The following TBCD variants were observed in gnomAD, a reference collection of about 807,000 sequenced individuals.
TBCD encodes tubulin-specific chaperone D.
A neutral mutation model predicts 169.3 loss-of-function variants in TBCD; 105 were observed. That is an observed-to-expected ratio of 0.62 (90% confidence interval 0.53 to 0.73). The LOEUF (loss-of-function observed/expected upper bound fraction) is 0.73. Among genes scored for constraint, TBCD ranks in the 30% least tolerant of loss-of-function variants. TBCD has a pLI of 0.00. For synonymous variants in TBCD, 700 were observed against 643.9 expected, an observed-to-expected ratio of 1.09 and a Z score of -1.32; for missense variants, 1,444 against 1,600.1, an observed-to-expected ratio of 0.90 and a Z score of 1.66.
intron 36 of TBCD, among the ~76,000 whole-genome samples, chr17:82,938,835 A>G (rs919617519): frequency 8.5e-5 from 6 of 70,432 alleles, no homozygotes; most frequent in African/African-American, 2.0e-4. Context: ...CCCTGGTGAA[A>G]AGAGAGCAGG....
chr17:82,873,690 C>T (rs561449076), intron 14 of TBCD, among the ~76,000 whole-genome samples: 1 of 152,128 alleles, frequency 6.6e-6, no homozygotes, highest in Non-Finnish European at 1.5e-5. Flanking sequence ...AAAAACCTGC[C>T]GATGCGCGGG....
At chr17:82,907,697 C>T (rs954369746) in intron 20 of TBCD, 64 bp from the exon 21 acceptor site, 28 of 1,582,968 alleles carry the variant, frequency 1.8e-5, no homozygotes, top group African/African-American at 2.7e-5. Context: ...TCAGCTCCTC[C>T]GAGTGTACTC....
At chr17:82,928,304 A>C (rs906223024) in intron 30 of TBCD, among the ~76,000 whole-genome samples, 1 of 152,122 alleles carries the variant, frequency 6.6e-6, no homozygotes, top group Non-Finnish European at 1.5e-5. Context: ...GCCGGGCAGG[A>C]GGTGGGGACT....
chr17:82,817,314 G>C (rs918436181), intron 13 of TBCD, among the ~76,000 whole-genome samples: 23 of 146,726 alleles, frequency 1.6e-4, no homozygotes, highest in African/African-American at 6.0e-4. Flanking sequence ...TTCTTTTTTT[G>C]AGACAGGATC....
At chr17:82,763,504 G>A (rs376329332) in intron 2 of TBCD, among the ~76,000 whole-genome samples, 20 of 152,268 alleles carry the variant, frequency 1.3e-4, no homozygotes, top group Middle Eastern at 3.4e-3. Context: ...ACTTTGGGAG[G>A]CCGAGGTGGG....
At position 82,854,651 on chromosome 17, in the gene TBCD, C is replaced by T. The variant is rs181938598; in HGVS notation, c.1319-15573C>T. 2.6e-5 allele frequency among the ~76,000 whole-genome samples: 4 copies of T among 152,276 alleles called. No homozygotes were observed. The East Asian group carries it at 7.7e-4, about 29-fold the overall frequency. On this transcript the variant is annotated intron_variant, in intron 13 of 38. Transcript: ENST00000355528. ...GGCAAGCATTCACGTTTGCATGTCGCACAGAAAGTCAGACTGCTGGGGGGA... is the reference window on the plus strand; with the variant it reads ...GGCAAGCATTCACGTTTGCATGTCGTACAGAAAGTCAGACTGCTGGGGGGA...
chr17:82,864,375 C>G lies in TBCD; in HGVS notation c.1319-5849C>G, dbSNP rs1198524370. 1 of 152,234 alleles carries G rather than the reference C, an allele frequency of 6.6e-6. No individual in the cohort carries two copies. Among genetic ancestry groups the G allele is most frequent in the Non-Finnish European group, 1.5e-5 (1 of 68,064 alleles). The allele number at this position is 152,234 out of a possible 1,614,324, so 9.4% of individuals were successfully genotyped here. A position where few individuals can be genotyped will look rare whatever the true frequency, so the allele number is the denominator to read the frequency against. On this transcript the variant is annotated intron_variant, in intron 13 of 38. Transcript: ENST00000355528. This position sits in a 1 kb window ranked among gnomAD's most constrained non-coding sequence, Gnocchi z 6.3. ...ATCGAGTGCCGGCTCTCTGTGCTCTCCAGGAGGTGGCCTTTCACAGCAGGG... is the reference window on the plus strand; with the variant it reads ...ATCGAGTGCCGGCTCTCTGTGCTCTGCAGGAGGTGGCCTTTCACAGCAGGG...
intron 13 of TBCD, among the ~76,000 whole-genome samples, chr17:82,850,057 G>GCTGTGCTCTT (rs2055574869): frequency 8.2e-5 from 3 of 36,506 alleles, no homozygotes; most frequent in Non-Finnish European, 1.7e-4. Flanking sequence ...GCTGTTGTTG[G>GCTGTGCTCTT]CTGTGCTGCT....
At chr17:82,779,683 G>T (rs917881567) in intron 6 of TBCD, among the ~76,000 whole-genome samples, 1 of 152,220 alleles carries the variant, frequency 6.6e-6, no homozygotes. Context: ...CATGGAGCCG[G>T]CTCTCGCGCA....
chr17:82,871,795 G>A (rs1050834110), intron 14 of TBCD, among the ~76,000 whole-genome samples: 7 of 152,180 alleles, frequency 4.6e-5, no homozygotes, highest in Non-Finnish European at 7.3e-5. Flanking sequence ...CCTGGGGCCC[G>A]CTTGGCTTTG....
intron 35 of TBCD, 58 bp downstream of exon 35, chr17:82,937,418 T>TGAGG: frequency 1.3e-6 from 2 of 1,513,266 alleles, no homozygotes; most frequent in Admixed American, 3.4e-5. Context: ...CTCCCTTGGC[T>TGAGG]GAGGGCAGGA....
intron 7 of TBCD, among the ~76,000 whole-genome samples, chr17:82,792,697 TTTACC>T (rs1242534433): frequency 6.6e-6 from 1 of 152,184 alleles, no homozygotes; most frequent in African/African-American, 2.4e-5. Flanking sequence ...GTAATTAGTG[TTTACC>T]TTACAGTCCA....
chr17:82,800,447 C>T (rs1469595490), intron 8 of TBCD, among the ~76,000 whole-genome samples: 1 of 151,936 alleles, frequency 6.6e-6, no homozygotes, highest in African/African-American at 2.4e-5. Context: ...CAGTGTGCTC[C>T]ATGGCTTCTG....
At chr17:82,841,147 T>G (rs1321122867) in intron 13 of TBCD, among the ~76,000 whole-genome samples, 1 of 151,476 alleles carries the variant, frequency 6.6e-6, no homozygotes, top group Non-Finnish European at 1.5e-5. Context: ...TTTCACCGTG[T>G]TAGCCAGGAT....
At chr17:82,842,780 CT>C (rs375870095) in intron 13 of TBCD, among the ~76,000 whole-genome samples, 12,456 of 129,608 alleles carry the variant, frequency 0.096, 361 homozygotes, top group South Asian at 0.24. Flanking sequence ...TTCTTTCTTT[CT>C]TTTTTTTTTT....
chr17:82,902,533 C>T (rs1051244306), intron 18 of TBCD, among the ~76,000 whole-genome samples: 2 of 152,188 alleles, frequency 1.3e-5, no homozygotes, highest in African/African-American at 2.4e-5. Flanking sequence ...ACATGAGACG[C>T]CACCTGCCTC....
rs558662973 is a variant in TBCD at position 82,835,978 on chromosome 17, C to G, written c.1318+21044C>G. Among the ~76,000 whole-genome samples, 13 of 152,282 alleles carry G rather than the reference C, an allele frequency of 8.5e-5. No homozygotes were observed. Among genetic ancestry groups the G allele is most frequent in the Middle Eastern group, 3.4e-3 (1 of 294 alleles). ...CGGGTGACACCCTGGGCTCAGACCCCGCGCTCAGCACCCGTCTCCCACCGT... is the reference window on the plus strand; with the variant it reads ...CGGGTGACACCCTGGGCTCAGACCCGGCGCTCAGCACCCGTCTCCCACCGT... On this transcript the variant is annotated intron_variant, in intron 13 of 38. Coordinates refer to ENST00000355528, the MANE Select transcript of TBCD (RefSeq NM_005993.5). This position sits in a 1 kb window ranked among gnomAD's most constrained non-coding sequence, Gnocchi z 4.5.
Position 82,920,385 on chromosome 17 carries a change from G to A in TBCD, c.2039-171G>A. On this transcript the variant is annotated intron_variant, in intron 23 of 38. Transcript: ENST00000355528. This position sits in a 1 kb window ranked among gnomAD's most constrained non-coding sequence, Gnocchi z 4.1. ...GAGGAGGCGTCTTGGGCTTCTCATG[G>A]TGGTTCTGAAATGGTTCTGGGATGT... 2 of 649,380 alleles carry A rather than the reference G, an allele frequency of 3.1e-6. No individual in the cohort carries two copies. Among genetic ancestry groups the A allele is most frequent in the Non-Finnish European group, 5.4e-6 (2 of 371,760 alleles). 40.2% of individuals were successfully genotyped at this position (649,380 alleles called of 1,614,324 possible).
chr17:82,888,696 G>C (rs991688273), intron 15 of TBCD, among the ~76,000 whole-genome samples: 4 of 152,314 alleles, frequency 2.6e-5, no homozygotes, highest in Admixed American at 2.6e-4. Context: ...TTTCCCTGGG[G>C]GGTGGGGGCA....
Sources: allele counts gnomAD v4.1 joint callset (sites outside exome capture counted in the v4.1 genomes callset), GRCh38; gene constraint gnomAD v4.1.1; non-coding constraint Gnocchi (gnomAD v3.1); transcripts MANE v1.5; gene names NCBI Gene and HGNC (gene_info 2026-07-23, HGNC 2026-07-21).